The following ZNF561 variants were observed in gnomAD, a reference collection of about 807,000 sequenced individuals.
ZNF561 encodes zinc finger protein 561.
ZNF561 carries 16 observed loss-of-function variants against 16.7 expected under a neutral mutation model. The observed-to-expected ratio is 0.96, with a 90% confidence interval of 0.65 to 1.45. The LOEUF (loss-of-function observed/expected upper bound fraction) is 1.45. ZNF561 is among the 40% of genes most tolerant of loss of function. The probability of loss-of-function intolerance (pLI) is 0.00; values close to 1 mark genes in which losing one functional copy is unlikely to be tolerated. For synonymous variants in ZNF561, 190 were observed against 192.1 expected (o/e 0.99, Z 0.09); for missense variants, 580 against 578.0 (o/e 1.00, Z -0.04).
rs146973589 is a variant in ZNF561, at chr19:9,610,357, C to T, written c.1304G>A (p.Arg435His). Residue 435 changes from arginine to histidine, a missense_variant, in exon 6 of 6, where the codon CGC becomes CAC. Coordinates refer to ENST00000302851, the MANE Select transcript of ZNF561 (RefSeq NM_152289.3). Reference protein sequence around the residue: ...ICGKAFLYSSRLNVHLRTHTG... With the variant: ...ICGKAFLYSSHLNVHLRTHTG... ...ATGAGTTCGCAGGTGAACATTAAGG[C>T]GTGAGGAATATAGAAATGCTTTCCC... 1.5e-4 allele frequency: 239 copies of T among 1,614,020 alleles called. No homozygotes were observed. Among genetic ancestry groups the T allele is most frequent in the Non-Finnish European group, 1.9e-4 (219 of 1,180,024 alleles).
Position 9,610,574 on chromosome 19 carries a change from T to C in ZNF561, c.1087A>G (p.Lys363Glu), listed in dbSNP as rs758150396. ...SIHIRSHSGKKPYQCKECGKA... is the reference protein window; with the variant it reads ...SIHIRSHSGKEPYQCKECGKA... ...CCACATTCCTTACACTGATAGGGTTTCTTTCCACTGTGACTTCGTATGTGT... is the reference window on the plus strand; with the variant it reads ...CCACATTCCTTACACTGATAGGGTTCCTTTCCACTGTGACTTCGTATGTGT... Residue 363 changes from lysine (K) to glutamate (E), a missense_variant, in exon 6 of 6, where the codon AAA (lysine) becomes GAA (glutamate). Physicochemically the swap from Lys to Glu is moderately conservative, Grantham distance 56. Coordinates refer to ENST00000302851, the MANE Select transcript of ZNF561 (RefSeq NM_152289.3). The C allele has an allele frequency of 6.2e-7, 1 of 1,613,502 alleles. No individual in the cohort carries two copies. Among genetic ancestry groups the C allele is most frequent in the Non-Finnish European group, 8.5e-7 (1 of 1,179,604 alleles).
rs1345823913 is a variant in ZNF561 at position 9,607,513 on chromosome 19, TA to T, written c.*2686del. 53 of 152,198 alleles carry T rather than the reference TA, an allele frequency of 3.5e-4. No homozygotes were observed. The East Asian group carries it at 9.7e-3, about 28-fold the overall frequency. The allele number at this position is 152,198 out of a possible 1,614,324, so 9.4% of individuals were successfully genotyped here. A position where few individuals can be genotyped will look rare whatever the true frequency, so the allele number is the denominator to read the frequency against. On this transcript the variant is annotated 3_prime_UTR_variant, in exon 6 of 6. Coordinates refer to ENST00000302851, the MANE Select transcript of ZNF561 (RefSeq NM_152289.3). ...TCATTCATCATGTAAAAACTGGATA[TA>T]AAAAGAAACCTTTCCTGTAAGAGAT...
rs2074417867 is a variant in ZNF561, at chr19:9,610,126, C to T, written c.*74G>A. 1.5e-6 allele frequency: 2 copies of T among 1,356,358 alleles called. No individual in the cohort carries two copies. Among genetic ancestry groups the T allele is most frequent in the African/African-American group, 1.5e-5 (1 of 68,416 alleles). The allele number at this position is 1,356,358 out of a possible 1,614,324, so 84.0% of individuals were successfully genotyped here. ...AGGCCAATCCATGAGTCATTACAAC[C>T]TCCAAAAGGCATTTAGGACAAATCT... On this transcript the variant is annotated 3_prime_UTR_variant, in exon 6 of 6. Transcript: ENST00000302851.
rs899468858 is a variant in ZNF561, at chr19:9,609,411, T to A, written c.*789A>T. The A allele has an allele frequency of 3.3e-5, 5 of 152,018 alleles. No homozygotes were observed. Among genetic ancestry groups the A allele is most frequent in the African/African-American group, 7.3e-5 (3 of 41,358 alleles). The allele number at this position is 152,018 out of a possible 1,614,324, so 9.4% of individuals were successfully genotyped here. On this transcript the variant is annotated 3_prime_UTR_variant, in exon 6 of 6. Coordinates refer to ENST00000302851, the MANE Select transcript of ZNF561 (RefSeq NM_152289.3). The stretch of plus-strand genomic sequence containing the variant: ...AAGGAGACCTGAATTGCAGAAAAAA[T>A]TGTTAAGGAAAAAGGAACCAGAACT...
In ZNF561 at chr19:9,610,024, G is replaced by T; in HGVS notation, c.*176C>A. 1.7e-6 allele frequency: 1 copy of T among 595,018 alleles called. No individual in the cohort carries two copies. Among genetic ancestry groups the T allele is most frequent in the Non-Finnish European group, 2.9e-6 (1 of 347,136 alleles). The allele number at this position is 595,018 out of a possible 1,614,324, so 36.9% of individuals were successfully genotyped here. A position where few individuals can be genotyped will look rare whatever the true frequency, so the allele number is the denominator to read the frequency against. On this transcript the variant is annotated 3_prime_UTR_variant, in exon 6 of 6. Transcript: ENST00000302851. ...TCACCATCCATGACCCTTCTTCACA[G>T]ATGCCCAGACTCAGGCAACCATGAT... is the stretch of plus-strand genomic sequence containing the variant.
At position 9,607,843 on chromosome 19, in the gene ZNF561, C is replaced by T. The variant is rs2074376893; in HGVS notation, c.*2357G>A. On this transcript the variant is annotated 3_prime_UTR_variant, in exon 6 of 6. Transcript: ENST00000302851. ...AAATTCATATGTTGAAGCTCCAAAT[C>T]CCAATGTGACTGTATGTGAAAATAG... 6.6e-6 allele frequency: 1 copy of T among 152,098 alleles called. No individual in the cohort carries two copies. The highest frequency in any genetic ancestry group is 1.5e-5 in the Non-Finnish European group (1 of 68,006). 9.4% of individuals were successfully genotyped at this position (152,098 alleles called of 1,614,324 possible).
chr19:9,610,917 T>C lies in ZNF561; in HGVS notation c.744A>G (p.Thr248=), dbSNP rs758371974. Residue 248 remains threonine, a synonymous_variant, in exon 6 of 6, where the codon ACA becomes ACG. Transcript: ENST00000302851. The part of the protein sequence containing the change: ...SHLKQCVAVH[T]GKKSKKTKKC... The stretch of plus-strand genomic sequence containing the variant: ...TCTTAGTCTTTTTGGATTTCTTTCC[T>C]GTATGAACTGCTACACACTGCTTTA... 28 of 1,614,102 alleles carry C rather than the reference T, an allele frequency of 1.7e-5. No individual in the cohort carries two copies. The East Asian group carries it at 6.2e-4, about 36-fold the overall frequency.
chr19:9,611,218 C>T lies in ZNF561; in HGVS notation c.443G>A (p.Gly148Asp), dbSNP rs2074450415. 1.2e-6 allele frequency: 2 copies of T among 1,613,930 alleles called. No individual in the cohort carries two copies. The highest frequency in any genetic ancestry group is 8.5e-7 in the Non-Finnish European group (1 of 1,179,886). Reference protein sequence around the residue: ...RVQNGGNTSEGNCYGKDTLSV... With the variant: ...RVQNGGNTSEDNCYGKDTLSV... ...GAGGGTGTCTTTTCCATAACAATTACCCTCAGAAGTATTCCCTCCATTCTG... is the reference window on the plus strand; with the variant it reads ...GAGGGTGTCTTTTCCATAACAATTATCCTCAGAAGTATTCCCTCCATTCTG... Residue 148 changes from glycine to aspartate, a missense_variant, in exon 6 of 6, where the codon GGT becomes GAT. Gly to Asp is a moderately conservative substitution (Grantham distance 94). Transcript: ENST00000302851.
chr19:9,617,175 T>A lies in ZNF561; in HGVS notation c.115-4A>T, dbSNP rs565240533. Reference sequence around the variant, plus strand: ...CATCATCAAACGTCACTGAATCCTATGTCATCATACACATGCTGGTTTGAG... The same window carrying A: ...CATCATCAAACGTCACTGAATCCTAAGTCATCATACACATGCTGGTTTGAG... On this transcript the variant is annotated splice_region_variant and splice_polypyrimidine_tract_variant and intron_variant, in intron 3 of 5. Transcript: ENST00000302851. The A allele has an allele frequency of 2.2e-5, 36 of 1,611,906 alleles. No homozygotes were observed. The highest frequency in any genetic ancestry group is 3.3e-4 in the Middle Eastern group (2 of 6,062).
intron 4 of ZNF561, among the ~76,000 whole-genome samples, chr19:9,616,259 A>G (rs1005378828): frequency 3.3e-5 from 5 of 152,116 alleles, no homozygotes; most frequent in Admixed American, 6.6e-5. Context: ...GCTACAAGAA[A>G]TGATGCTAGT....
At chr19:9,613,085 CCAGT>C (rs1347803074) in intron 5 of ZNF561, among the ~76,000 whole-genome samples, 3 of 152,132 alleles carry the variant, frequency 2.0e-5, no homozygotes, top group Non-Finnish European at 4.4e-5. Context: ...GCCATTGCAC[CCAGT>C]CAAATAGTGT....
chr19:9,618,606 G>A (rs1414609521), intron 2 of ZNF561, among the ~76,000 whole-genome samples: 1 of 151,990 alleles, frequency 6.6e-6, no homozygotes, highest in Non-Finnish European at 1.5e-5. Context: ...GGCATCTATA[G>A]TCCCAGCTAC....
rs1231898695 is a variant in ZNF561 at position 9,621,190 on chromosome 19, A to AT, written c.-156_-155insA. 1 of 155,500 alleles carries AT rather than the reference A, an allele frequency of 6.4e-6. No individual in the cohort carries two copies. The highest frequency in any genetic ancestry group is 6.4e-5 in the Admixed American group (1 of 15,600). 9.6% of individuals were successfully genotyped at this position (155,500 alleles called of 1,614,324 possible). On this transcript the variant is annotated 5_prime_UTR_variant, in exon 1 of 6. Transcript: ENST00000302851. ...AGCCTGGGCAGACTCCACCACCATAAAGGCGAAACCGCACTGACGGAGAGG... is the reference window on the plus strand; with the variant it reads ...AGCCTGGGCAGACTCCACCACCATAATAGGCGAAACCGCACTGACGGAGAGG...
At chr19:9,618,836 G>A (rs1438720399) in intron 2 of ZNF561, among the ~76,000 whole-genome samples, 6 of 151,506 alleles carry the variant, frequency 4.0e-5, no homozygotes, top group African/African-American at 1.5e-4. Flanking sequence ...CAGCATTCTG[G>A]CTGGGCACAG....
intron 3 of ZNF561, chr19:9,617,378 A>T (rs2074574652): frequency 1.7e-6 from 2 of 1,192,128 alleles, no homozygotes; most frequent in Non-Finnish European, 2.1e-6. Flanking sequence ...AGCACTTTTT[A>T]AAATTTTTTT....
Position 9,615,935 on chromosome 19 carries a change from G to C in ZNF561, c.241+1110C>G, listed in dbSNP as rs1448313155. ...AGTTAAGTACTACAAAAAGATGCTT[G>C]CTGTCATGGGTAAACAACTCTGCCA... On this transcript the variant is annotated intron_variant, in intron 4 of 5. Coordinates refer to ENST00000302851, the MANE Select transcript of ZNF561 (RefSeq NM_152289.3). Among the ~76,000 whole-genome samples, 3 of 151,974 alleles carry C rather than the reference G, an allele frequency of 2.0e-5. No individual in the cohort carries two copies. The South Asian group carries it at 6.2e-4, about 32-fold the overall frequency.
At chr19:9,617,364 A>T in intron 3 of ZNF561, 193 bp from the exon 4 acceptor site, 1 of 1,236,070 alleles carries the variant, frequency 8.1e-7, no homozygotes, top group Non-Finnish European at 1.0e-6. Flanking sequence ...CATATGCCTT[A>T]AACAGCACTT....
At chr19:9,612,775 G>C (rs2074484607) in intron 5 of ZNF561, among the ~76,000 whole-genome samples, 1 of 152,158 alleles carries the variant, frequency 6.6e-6, no homozygotes, top group Admixed American at 6.5e-5. Flanking sequence ...TTCAAAAAAA[G>C]AAAACTGTAG....
chr19:9,616,544 G>C (rs1169939034), intron 4 of ZNF561, among the ~76,000 whole-genome samples: 1 of 151,868 alleles, frequency 6.6e-6, no homozygotes, highest in Non-Finnish European at 1.5e-5. Flanking sequence ...GCCTCCCAAA[G>C]TGCTGGGATT....
Sources: gnomAD v4.1 joint callset for allele counts (sites outside exome capture counted in the v4.1 genomes callset) on GRCh38, gnomAD v4.1.1 for gene constraint, MANE v1.5 for transcripts, NCBI Gene and HGNC (gene_info 2026-07-23, HGNC 2026-07-21) for gene names.